Variants in ACYP1 observed in about 807,000 individuals in gnomAD.
ACYP1 encodes acylphosphatase-1.
A neutral mutation model predicts 10.4 loss-of-function variants in ACYP1; 8 were observed. The observed-to-expected ratio is 0.77, with a 90% CI of 0.45 to 1.38. The LOEUF is 1.38. ACYP1 is among the 40% of genes most tolerant of loss of function. The pLI is 0.00. For synonymous variants in ACYP1, 38 were observed against 40.8 expected, an observed-to-expected ratio of 0.93 and a Z score of 0.26; for missense variants, 93 against 117.3, an observed-to-expected ratio of 0.79 and a Z score of 0.96.
chr14:75,064,648 C>T (rs1284862199), upstream of ACYP1, among the ~76,000 whole-genome samples: 2 of 152,080 alleles, frequency 1.3e-5, no homozygotes, highest in Non-Finnish European at 2.9e-5. Flanking sequence ...GCAGGAGAAT[C>T]GCTTGAACCT....
At chr14:75,069,320 C>T (rs1261463969) in exon 1 of ACYP1, 4 of 1,409,922 alleles carry the variant, frequency 2.8e-6, no homozygotes, top group South Asian at 1.5e-5. Flanking sequence ...GGAGGCACAG[C>T]CAGGGCCTCC....
intron 2 of ACYP1, among the ~76,000 whole-genome samples, chr14:75,057,821 C>T (rs948693258): frequency 1.3e-5 from 2 of 149,778 alleles, no homozygotes; most frequent in African/African-American, 5.0e-5. Context: ...AAAAATTAGC[C>T]GGGCGCAGTG....
At chr14:75,069,295 G>A (rs757102163) in exon 1 of ACYP1, 50 of 1,432,900 alleles carry the variant, frequency 3.5e-5, no homozygotes, top group South Asian at 2.9e-5. Flanking sequence ...CCGGCATCCT[G>A]CGGCGGAAGC....
At chr14:75,057,896 T>G (rs1292423707) in intron 2 of ACYP1, among the ~76,000 whole-genome samples, 1 of 124,986 alleles carries the variant, frequency 8.0e-6, no homozygotes, top group Non-Finnish European at 1.6e-5. Flanking sequence ...ACCCAGGAAG[T>G]GGAGGTTGCA....
chr14:75,067,341 G>A (rs1893159013), upstream of ACYP1, among the ~76,000 whole-genome samples: 1 of 152,176 alleles, frequency 6.6e-6, no homozygotes, highest in South Asian at 2.1e-4. Context: ...AAGAAACCAA[G>A]AGGGCACAGG....
chr14:75,056,592 A>G (rs1892883696), intron 2 of ACYP1, among the ~76,000 whole-genome samples: 1 of 151,418 alleles, frequency 6.6e-6, no homozygotes, highest in Non-Finnish European at 1.5e-5. Context: ...AAAAAACCAT[A>G]GACCAATATC....
At chr14:75,061,426 T>A (rs958441312) in intron 2 of ACYP1, among the ~76,000 whole-genome samples, 1 of 152,178 alleles carries the variant, frequency 6.6e-6, no homozygotes, top group African/African-American at 2.4e-5. Context: ...ACTGTTCAAA[T>A]GAACATATAT....
upstream of ACYP1, chr14:75,064,149 G>T: frequency 1.8e-6 from 1 of 549,142 alleles, no homozygotes; most frequent in Non-Finnish European, 2.3e-6. Context: ...GGGATTTCAG[G>T]ACGCGGTTGT....
At chr14:75,067,182 TACACACACACACACACAC>T (rs60274425), upstream of ACYP1, among the ~76,000 whole-genome samples, 36 of 147,358 alleles carry the variant, frequency 2.4e-4, no homozygotes, top group South Asian at 2.4e-3. Flanking sequence ...TGTCTGGAAC[TACACACACACACACACAC>T]ACACACACAC....
chr14:75,065,595 A>C (rs1306192579), upstream of ACYP1, among the ~76,000 whole-genome samples: 1 of 152,248 alleles, frequency 6.6e-6, no homozygotes, highest in Non-Finnish European at 1.5e-5. Flanking sequence ...ACAAAGATGA[A>C]TGATATAAAA....
intron 2 of ACYP1, among the ~76,000 whole-genome samples, chr14:75,055,598 C>T (rs1174265161): frequency 6.6e-6 from 1 of 151,478 alleles, no homozygotes; most frequent in Non-Finnish European, 1.5e-5. Context: ...AATTCTACCT[C>T]ATAACCATAT....
intron 2 of ACYP1, among the ~76,000 whole-genome samples, chr14:75,056,591 T>C (rs1459041672): frequency 1.3e-5 from 2 of 151,002 alleles, no homozygotes; most frequent in African/African-American, 2.5e-5. Context: ...CAAAAAACCA[T>C]AGACCAATAT....
In ACYP1 at chr14:75,053,607, C is replaced by A; in HGVS notation, c.137G>T (p.Gly46Val). Residue 46 changes from glycine (G) to valine (V), a missense_variant, in exon 3 of 3, where the codon GGC becomes GTC. Coordinates refer to ENST00000238618, the MANE Select transcript of ACYP1 (RefSeq NM_001107.5). ...ACCTTGCAATTGTCCTTGCACTGTGCCCCGGTCAGTGTTCTGGACCCAGCC... is the reference window on the plus strand; with the variant it reads ...ACCTTGCAATTGTCCTTGCACTGTGACCCGGTCAGTGTTCTGGACCCAGCC... Reference protein sequence around the residue: ...LVGWVQNTDRGTVQGQLQGPI... With the variant: ...LVGWVQNTDRVTVQGQLQGPI... 2 of 1,614,132 alleles carry A rather than the reference C, an allele frequency of 1.2e-6. No homozygotes were observed. The highest frequency in any genetic ancestry group is 1.1e-5 in the South Asian group (1 of 91,080).
intron 2 of ACYP1, among the ~76,000 whole-genome samples, chr14:75,054,496 AT>A (rs1033313508): frequency 6.6e-6 from 1 of 151,610 alleles, no homozygotes; most frequent in Non-Finnish European, 1.5e-5. Context: ...AGGTAATTTT[AT>A]TTTTGTATAA....
In ACYP1 at chr14:75,057,578, C is replaced by G. The variant is rs796661996; in HGVS notation, c.85-3919G>C. 1.5e-3 allele frequency among the ~76,000 whole-genome samples: 231 copies of G among 151,544 alleles called. 12 individuals are homozygous for G. Among genetic ancestry groups the G allele is most frequent in the African/African-American group, 5.5e-3 (224 of 41,008 alleles). On this transcript the variant is annotated intron_variant, in intron 2 of 2. Transcript: ENST00000238618. The stretch of plus-strand genomic sequence containing the variant: ...GAAAAACAAAGTTGAAGGATTCACA[C>G]TTCCCAATTTCAAAACTTACTACAA...
At chr14:75,058,068 A>T (rs1281818645) in intron 2 of ACYP1, among the ~76,000 whole-genome samples, 2 of 150,474 alleles carry the variant, frequency 1.3e-5, no homozygotes, top group Non-Finnish European at 2.9e-5. Flanking sequence ...TATAAGCATG[A>T]GACTGTCACT....
At chr14:75,055,245 C>G (rs974825038) in intron 2 of ACYP1, among the ~76,000 whole-genome samples, 3 of 150,934 alleles carry the variant, frequency 2.0e-5, no homozygotes, top group Non-Finnish European at 1.5e-5. Flanking sequence ...CGCAACCACT[C>G]CCGGCTAATT....
At chr14:75,060,174 GTTATCCTTT>G in intron 2 of ACYP1, 1 of 633,426 alleles carries the variant, frequency 1.6e-6, no homozygotes, top group Non-Finnish European at 2.8e-6. Context: ...GGATTTTCCA[GTTATCCTTT>G]TTATTTTTTT....
At position 75,058,350 on chromosome 14, in the gene ACYP1, G is replaced by A. The variant is rs545682549; in HGVS notation, c.85-4691C>T. On this transcript the variant is annotated intron_variant, in intron 2 of 2. Transcript: ENST00000238618. ...TGTAATCCCAGCCACTTGGGAGGGC[G>A]AGGCAGGAGAATTGCTTGAACCCTG... Among the ~76,000 whole-genome samples, 6 of 151,486 alleles carry A rather than the reference G, an allele frequency of 4.0e-5. 1 individual carries two copies. Among genetic ancestry groups the A allele is most frequent in the Admixed American group, 2.0e-4 (3 of 15,262 alleles).
Sources: allele counts gnomAD v4.1 joint callset (sites outside exome capture counted in the v4.1 genomes callset), GRCh38; gene constraint gnomAD v4.1.1; transcripts MANE v1.5; gene names NCBI Gene and HGNC (gene_info 2026-07-23, HGNC 2026-07-21).